The following DMD variants were observed in gnomAD, a reference collection of about 807,000 sequenced individuals.
DMD encodes the protein mutant dystrophin.
Under a neutral mutation model 330.1 loss-of-function variants are expected in DMD, and 63 were observed. That is an observed-to-expected ratio of 0.19 (90% CI 0.16 to 0.24). The LOEUF (loss-of-function observed/expected upper bound fraction) is 0.24, where lower values mean the gene tolerates loss of function less well. Ranked by LOEUF, DMD falls within the 10% of genes least tolerant of loss-of-function variation. The probability of loss-of-function intolerance (pLI) is 1.00; values close to 1 mark genes in which losing one functional copy is unlikely to be tolerated. For synonymous variants in DMD, 1,223 were observed against 959.8 expected (o/e 1.27, Z -5.07); for missense variants, 3,344 against 2,684.1 (o/e 1.25, Z -5.43).
rs1007875829 is a variant in DMD at position 32,349,502 on chromosome X, C to G, written c.5326-974G>C. On this transcript the variant is annotated intron_variant, in intron 37 of 78. Transcript: ENST00000357033. Reference sequence around the variant, plus strand: ...ACCAATTCAGGAATGACCCCCGTGTCTTTTGCCAAGACGATTACATTCATC... The same window carrying G: ...ACCAATTCAGGAATGACCCCCGTGTGTTTTGCCAAGACGATTACATTCATC... Among the ~76,000 whole-genome samples, 5 of 111,370 alleles carry G rather than the reference C, an allele frequency of 4.5e-5. No individual in the cohort carries two copies. In the Middle Eastern group the frequency reaches 0.023, roughly 513 times the overall value.
chrX:31,231,252 T>A (rs943629673), intron 63 of DMD, among the ~76,000 whole-genome samples: 1 of 110,909 alleles, frequency 9.0e-6, no homozygotes, highest in South Asian at 3.7e-4. Flanking sequence ...ATTAGTATTA[T>A]TTTAATATAT....
chrX:32,667,237 C>G (rs1473955519), intron 9 of DMD, among the ~76,000 whole-genome samples: 1 of 111,586 alleles, frequency 9.0e-6, no homozygotes, highest in African/African-American at 3.3e-5. Context: ...GTTTATTTAA[C>G]AGGTAACAAC....
chrX:33,113,054 C>CTTTTTT (rs554243808), intron 1 of DMD, among the ~76,000 whole-genome samples: 1 of 94,072 alleles, frequency 1.1e-5, no homozygotes, highest in African/African-American at 3.8e-5. Context: ...CTAAACATTA[C>CTTTTTT]TTTTTTTTTT....
At chrX:32,391,471 T>C (rs193245414) in intron 30 of DMD, among the ~76,000 whole-genome samples, 191 of 111,990 alleles carry the variant, frequency 1.7e-3, no homozygotes, top group Middle Eastern at 4.7e-3. Flanking sequence ...TTCACAGATG[T>C]ACCTCAATAT....
At position 31,180,529 on chromosome X, in the gene DMD, TC is replaced by T. The variant is rs767446133; in HGVS notation, c.9975-49del. 6 of 861,062 alleles carry T rather than the reference TC, an allele frequency of 7.0e-6. No individual in the cohort carries two copies. In the Admixed American group the frequency reaches 1.3e-4, roughly 19 times the overall value. The allele number at this position is 861,062 out of a possible 1,213,427, so 71.0% of individuals were successfully genotyped here. A position where few individuals can be genotyped will look rare whatever the true frequency, so the allele number is the denominator to read the frequency against. On this transcript the variant is annotated intron_variant, in intron 68 of 78. Coordinates refer to ENST00000357033, the MANE Select transcript of DMD (RefSeq NM_004006.3). ...ACGTATGTATTTCTTCGAATCAAAT[TC>T]CCAAAGAACACTCTTTAATAAACCT...
At chrX:32,888,607 C>CA (rs367851707) in intron 2 of DMD, among the ~76,000 whole-genome samples, 460 of 108,349 alleles carry the variant, frequency 4.2e-3, no homozygotes, top group Middle Eastern at 4.7e-3. Flanking sequence ...GGAAGTTCTT[C>CA]AAAAAAAAAT....
intron 15 of DMD, among the ~76,000 whole-genome samples, chrX:32,567,821 T>A (rs1409339578): frequency 8.9e-6 from 1 of 112,433 alleles, no homozygotes; most frequent in Non-Finnish European, 1.9e-5. Flanking sequence ...CTGAGAGCCA[T>A]ATTTGAATTT....
rs549069090 is a variant in DMD, at chrX:33,117,747, T to C, written c.31+93535A>G. ...CATTACCTAACGTCTGTAATTTCCT[T>C]GCATCATCGAGAACCTGAAACTTTT... On this transcript the variant is annotated intron_variant, in intron 1 of 78. Coordinates refer to ENST00000357033, the MANE Select transcript of DMD (RefSeq NM_004006.3). Among the ~76,000 whole-genome samples, 4 of 111,704 alleles carry C rather than the reference T, an allele frequency of 3.6e-5. 1 individual carries two copies. In the Middle Eastern group the frequency reaches 0.019, roughly 524 times the overall value.
chrX:31,334,442 C>T (rs1025043009), intron 61 of DMD, among the ~76,000 whole-genome samples: 3 of 111,490 alleles, frequency 2.7e-5, no homozygotes, highest in African/African-American at 9.8e-5. Context: ...CTAGATAGAA[C>T]ATCTCCTTTC....
chrX:31,626,129 C>T (rs769071135), intron 55 of DMD, among the ~76,000 whole-genome samples: 55 of 110,214 alleles, frequency 5.0e-4, no homozygotes, highest in African/African-American at 1.8e-3. Flanking sequence ...GGATTACAGG[C>T]GCAGGTCACC....
At chrX:31,708,267 T>C (rs1218995771) in intron 52 of DMD, among the ~76,000 whole-genome samples, 1 of 111,726 alleles carries the variant, frequency 9.0e-6, no homozygotes, top group African/African-American at 3.2e-5. Flanking sequence ...TCTCAACAGA[T>C]AATGACACCC....
chrX:33,057,337 G>C (rs1285709959), intron 1 of DMD, among the ~76,000 whole-genome samples: 1 of 111,788 alleles, frequency 8.9e-6, no homozygotes, highest in East Asian at 2.8e-4. Flanking sequence ...TTAGATACTT[G>C]TGTATCCGAT....
At chrX:33,163,914 T>C (rs1487838941) in intron 1 of DMD, among the ~76,000 whole-genome samples, 1 of 111,281 alleles carries the variant, frequency 9.0e-6, no homozygotes, top group Non-Finnish European at 1.9e-5. Flanking sequence ...GAATTCTTTT[T>C]TATTGTATTG....
chrX:32,642,274 A>C (rs997037448), intron 11 of DMD, among the ~76,000 whole-genome samples: 3 of 112,468 alleles, frequency 2.7e-5, no homozygotes, highest in Non-Finnish European at 5.6e-5. Flanking sequence ...TCTATGTGAT[A>C]GAAGTGGTTA....
intron 2 of DMD, among the ~76,000 whole-genome samples, chrX:32,965,599 A>G (rs1224270914): frequency 3.6e-5 from 4 of 110,783 alleles, no homozygotes; most frequent in African/African-American, 1.3e-4. Flanking sequence ...CAAAACAGAG[A>G]ATAGGAAGTG....
intron 7 of DMD, among the ~76,000 whole-genome samples, chrX:32,778,486 C>G (rs1032833997): frequency 9.0e-6 from 1 of 111,247 alleles, no homozygotes; most frequent in African/African-American, 3.3e-5. Flanking sequence ...GTAACATATT[C>G]CCAAAATCTT....
Position 31,444,575 on chromosome X carries a change from T to C in DMD, c.8990A>G (p.Asp2997Gly). The C allele has an allele frequency of 8.3e-7, 1 of 1,211,662 alleles. No individual in the cohort carries two copies. Residue 2997 changes from aspartate to glycine, a missense_variant, in exon 60 of 79, where the codon GAC becomes GGC. Transcript: ENST00000357033. The stretch of plus-strand genomic sequence containing the variant: ...CAAAGTGGTAAGCTGGCGAGCAAGG[T>C]CATTGACGTGGCTCACGTTCTCTTT... ...PLKENVSHVNDLARQLTTLGI... is the reference protein window; with the variant it reads ...PLKENVSHVNGLARQLTTLGI...
At chrX:31,659,803 C>G (rs903448144) in intron 53 of DMD, among the ~76,000 whole-genome samples, 1 of 110,762 alleles carries the variant, frequency 9.0e-6, no homozygotes, top group African/African-American at 3.3e-5. Context: ...AAACAGAACA[C>G]AATTTTTAAC....
At chrX:32,272,357 A>G (rs148262010) in intron 43 of DMD, among the ~76,000 whole-genome samples, 2,450 of 112,273 alleles carry the variant, frequency 0.022, 63 homozygotes, top group African/African-American at 0.074. Flanking sequence ...TTTGCTAAGC[A>G]TCTTGTAATG....
Sources: gnomAD v4.1 joint callset for allele counts (sites outside exome capture counted in the v4.1 genomes callset) on GRCh38, gnomAD v4.1.1 for gene constraint, MANE v1.5 for transcripts, NCBI Gene and HGNC (gene_info 2026-07-23, HGNC 2026-07-21) for gene names.